Variants in C14orf39 observed in about 807,000 individuals in gnomAD.
C14orf39 encodes chromosome 14 open reading frame 39, also known as protein SIX6OS1.
A neutral mutation model predicts 85.6 loss-of-function variants in C14orf39; 66 were observed. That is an observed-to-expected ratio of 0.77 (90% CI 0.63 to 0.95). The LOEUF is 0.95. C14orf39 is among the 40% of genes least tolerant of loss of function. The pLI is 0.00. For synonymous variants in C14orf39, 242 were observed against 214.0 expected (o/e 1.13, Z -1.14); for missense variants, 735 against 663.9 (o/e 1.11, Z -1.18).
At chr14:60,456,571 A>G (rs1376468849) in intron 15 of C14orf39, among the ~76,000 whole-genome samples, 1 of 151,828 alleles carries the variant, frequency 6.6e-6, no homozygotes. Flanking sequence ...TGACATTTTA[A>G]ATTTTCTTTA....
chr14:60,483,535 T>C lies in C14orf39; in HGVS notation c.233+156A>G, dbSNP rs557338247. On this transcript the variant is annotated intron_variant, in intron 4 of 17. Coordinates refer to ENST00000321731, the MANE Select transcript of C14orf39 (RefSeq NM_174978.3). ...TTTAGTTCTATTTCTCTTCTGATCC[T>C]CCTATAATCCCTTTACATAGTGGCA... Among the ~76,000 whole-genome samples the C allele has an allele frequency of 3.7e-4, 57 of 152,334 alleles. 2 individuals carry two copies. In the South Asian group the frequency reaches 0.012, roughly 32 times the overall value.
intron 16 of C14orf39, among the ~76,000 whole-genome samples, chr14:60,443,531 G>T (rs1566654380): frequency 6.6e-6 from 1 of 152,196 alleles, no homozygotes; most frequent in African/African-American, 2.4e-5. Flanking sequence ...AGCTTGAACT[G>T]GGGGAGCCCA....
intron 1 of C14orf39, among the ~76,000 whole-genome samples, chr14:60,503,276 G>A (rs1442170573): frequency 6.6e-6 from 1 of 152,036 alleles, no homozygotes; most frequent in African/African-American, 2.4e-5. Flanking sequence ...GGGTTTTTAG[G>A]GCTTGCAAGG....
intron 11 of C14orf39, among the ~76,000 whole-genome samples, chr14:60,464,132 C>T (rs527670725): frequency 2.0e-5 from 3 of 152,270 alleles, no homozygotes; most frequent in Admixed American, 6.5e-5. Flanking sequence ...ACTCAGCTAG[C>T]CCTTCTCCCC....
chr14:60,510,450 G>A (rs1206086975), intron 1 of C14orf39, among the ~76,000 whole-genome samples: 1 of 152,170 alleles, frequency 6.6e-6, no homozygotes, highest in Non-Finnish European at 1.5e-5. Context: ...TTGAGAAATG[G>A]GAAGTCGAGT....
At chr14:60,478,468 A>G in intron 4 of C14orf39, 79 bp from the exon 5 acceptor site, 1 of 710,290 alleles carries the variant, frequency 1.4e-6, no homozygotes, top group Non-Finnish European at 2.2e-6. Context: ...AAAGAACATA[A>G]TTATTTAAAG....
intron 13 of C14orf39, among the ~76,000 whole-genome samples, chr14:60,460,772 A>C (rs969469432): frequency 6.6e-6 from 1 of 151,930 alleles, no homozygotes; most frequent in Middle Eastern, 3.4e-3. Flanking sequence ...GGGATGATAA[A>C]TTCATATATA....
At chr14:60,456,784 C>T in intron 15 of C14orf39, 133 bp downstream of exon 15, 1 of 706,684 alleles carries the variant, frequency 1.4e-6, no homozygotes, top group Non-Finnish European at 2.2e-6. Context: ...ATTAGTCTTT[C>T]TCTTCTTTGC....
chr14:60,497,857 G>A (rs1217696271), intron 2 of C14orf39, among the ~76,000 whole-genome samples: 1 of 151,568 alleles, frequency 6.6e-6, no homozygotes, highest in Non-Finnish European at 1.5e-5. Flanking sequence ...ACTCCAGCCT[G>A]GGCAACAAAA....
chr14:60,471,175 T>G (rs1347132945), intron 7 of C14orf39, among the ~76,000 whole-genome samples: 2 of 151,978 alleles, frequency 1.3e-5, no homozygotes, highest in African/African-American at 4.8e-5. Context: ...GTTTGGTTCC[T>G]AAGACACGCC....
intron 17 of C14orf39, among the ~76,000 whole-genome samples, chr14:60,438,951 G>A (rs1278269485): frequency 1.3e-5 from 2 of 152,148 alleles, no homozygotes; most frequent in Non-Finnish European, 2.9e-5. Flanking sequence ...AATACAGTTA[G>A]ACAGAAGGAA....
At chr14:60,507,060 G>A in intron 1 of C14orf39, among the ~76,000 whole-genome samples, 1 of 152,134 alleles carries the variant, frequency 6.6e-6, no homozygotes, top group East Asian at 1.9e-4. Context: ...CTAGGCGCTG[G>A]GATCGGGGTC....
At chr14:60,472,514 T>C (rs1476736559) in intron 5 of C14orf39, among the ~76,000 whole-genome samples, 4 of 152,162 alleles carry the variant, frequency 2.6e-5, no homozygotes, top group African/African-American at 9.7e-5. Flanking sequence ...ACTCGTCATT[T>C]AGCATTAGAT....
intron 16 of C14orf39, among the ~76,000 whole-genome samples, chr14:60,453,096 T>C (rs751025743): frequency 5.3e-5 from 8 of 152,098 alleles, no homozygotes; most frequent in Non-Finnish European, 1.0e-4. Flanking sequence ...GTTATTCAGA[T>C]CTTATTAAAG....
chr14:60,512,517 G>A (rs1893310017), intron 1 of C14orf39: 1 of 152,156 alleles, frequency 6.6e-6, no homozygotes, highest in African/African-American at 2.4e-5. Context: ...CTGAGATGGG[G>A]GAAAGGATGT....
chr14:60,466,858 A>T, intron 10 of C14orf39, 59 bp downstream of exon 10: 1 of 1,328,170 alleles, frequency 7.5e-7, no homozygotes, highest in Non-Finnish European at 9.9e-7. Flanking sequence ...GCTTCCTTCT[A>T]TTTCTTCTGT....
At chr14:60,461,928 AT>A (rs1891553923) in intron 11 of C14orf39, among the ~76,000 whole-genome samples, 1 of 152,110 alleles carries the variant, frequency 6.6e-6, no homozygotes, top group Non-Finnish European at 1.5e-5. Flanking sequence ...TTCTCAACTG[AT>A]TATCTGATTT....
chr14:60,511,043 G>T (rs1566691495), intron 1 of C14orf39: 36 of 1,602,336 alleles, frequency 2.2e-5, no homozygotes, highest in Non-Finnish European at 3.1e-5. Context: ...ACGGGCGGCT[G>T]TGTTACGAGC....
chr14:60,498,947 C>T (rs1019055920), intron 2 of C14orf39, among the ~76,000 whole-genome samples: 6 of 152,182 alleles, frequency 3.9e-5, no homozygotes, highest in African/African-American at 1.4e-4. Context: ...ACAGAACAGC[C>T]AAAGAATTTT....
Sources: allele counts gnomAD v4.1 joint callset (sites outside exome capture counted in the v4.1 genomes callset), GRCh38; gene constraint gnomAD v4.1.1; transcripts MANE v1.5; gene names NCBI Gene and HGNC (gene_info 2026-07-23, HGNC 2026-07-21).